MEIKIN: variants seen among roughly 807,000 people sequenced by gnomAD.
The protein encoded by MEIKIN is meiotic kinetochore factor.
At chr5:131,821,656 T>TTTTTC (rs1749507835) in intron 11 of MEIKIN, among the ~76,000 whole-genome samples, 2 of 142,668 alleles carry the variant, frequency 1.4e-5, no homozygotes, top group South Asian at 2.2e-4. Flanking sequence ...TTTTTTTTTT[T>TTTTTC]GCGAGACAAG....
intron 10 of MEIKIN, 29 bp from the exon 11 acceptor site, chr5:131,851,412 G>T (rs1750113135): frequency 2.3e-5 from 9 of 397,140 alleles, no homozygotes; most frequent in Non-Finnish European, 3.1e-5. Flanking sequence ...TTGTTTTGTG[G>T]AAGTTAAACA....
At chr5:131,851,232 T>C in intron 11 of MEIKIN, 32 bp downstream of exon 11, 1 of 397,170 alleles carries the variant, frequency 2.5e-6, no homozygotes, top group Non-Finnish European at 4.4e-6. Context: ...ATTATTTCCT[T>C]TAGTAATTGA....
intron 11 of MEIKIN, among the ~76,000 whole-genome samples, chr5:131,836,682 C>T (rs960727856): frequency 6.6e-6 from 1 of 150,822 alleles, no homozygotes; most frequent in Non-Finnish European, 1.5e-5. Flanking sequence ...CACTTTTTGG[C>T]CACATGTATG....
At chr5:131,812,242 T>C (rs979355672) in intron 12 of MEIKIN, among the ~76,000 whole-genome samples, 3 of 152,236 alleles carry the variant, frequency 2.0e-5, no homozygotes, top group Non-Finnish European at 4.4e-5. Context: ...CATATAACTT[T>C]ATATTGTTGA....
At chr5:131,830,570 T>C (rs1749698218) in intron 11 of MEIKIN, among the ~76,000 whole-genome samples, 1 of 152,256 alleles carries the variant, frequency 6.6e-6, no homozygotes, top group African/African-American at 2.4e-5. Context: ...ATCGTCCTTT[T>C]GGTTATAAAC....
chr5:131,932,616 G>A (rs1432894423), intron 5 of MEIKIN, among the ~76,000 whole-genome samples: 1 of 152,076 alleles, frequency 6.6e-6, no homozygotes, highest in African/African-American at 2.4e-5. Flanking sequence ...CCATTACGAG[G>A]GTATGAATAT....
intron 4 of MEIKIN, among the ~76,000 whole-genome samples, chr5:131,939,055 G>C (rs1751828595): frequency 1.3e-5 from 2 of 152,112 alleles, no homozygotes; most frequent in African/African-American, 2.4e-5. Context: ...AGGGGTCTGG[G>C]GATTTCACAT....
intron 5 of MEIKIN, among the ~76,000 whole-genome samples, chr5:131,927,010 T>C (rs1451012336): frequency 6.6e-5 from 10 of 152,210 alleles, no homozygotes; most frequent in Non-Finnish European, 1.5e-4. Flanking sequence ...TTATTTCTGC[T>C]CTAAATTTTA....
At chr5:131,819,372 CAGG>C (rs1429031773) in intron 11 of MEIKIN, among the ~76,000 whole-genome samples, 2 of 144,222 alleles carry the variant, frequency 1.4e-5, no homozygotes, top group African/African-American at 5.1e-5. Context: ...GAGGCCAATG[CAGG>C]AGGATTCCTT....
At chr5:131,832,505 G>A (rs771914214) in intron 11 of MEIKIN, among the ~76,000 whole-genome samples, 23 of 152,110 alleles carry the variant, frequency 1.5e-4, no homozygotes, top group Non-Finnish European at 2.2e-4. Context: ...TGGTTCTACC[G>A]TTCTGAGGTC....
intron 8 of MEIKIN, among the ~76,000 whole-genome samples, chr5:131,911,469 A>G (rs1751334726): frequency 6.6e-6 from 1 of 151,876 alleles, no homozygotes; most frequent in Non-Finnish European, 1.5e-5. Context: ...ATTATGCATA[A>G]CTACAATATA....
At chr5:131,831,622 C>T (rs1444713436) in intron 11 of MEIKIN, among the ~76,000 whole-genome samples, 2 of 152,090 alleles carry the variant, frequency 1.3e-5, no homozygotes, top group African/African-American at 4.8e-5. Flanking sequence ...TTTTGGCTTA[C>T]ACTATTTGAG....
chr5:131,914,611 GAAA>G (rs1479753024), intron 7 of MEIKIN, among the ~76,000 whole-genome samples: 5 of 970 alleles, frequency 5.2e-3, no homozygotes, highest in Admixed American at 0.029. Flanking sequence ...GGAAGGGAAG[GAAA>G]GGGAAGGAAA....
intron 3 of MEIKIN, 106 bp from the exon 4 acceptor site, chr5:131,942,801 T>C (rs1055079358): frequency 8.0e-5 from 31 of 385,648 alleles, no homozygotes; most frequent in African/African-American, 6.4e-4. Context: ...ATCAACTTTT[T>C]ATATGTTTCA....
chr5:131,833,064 T>A (rs1749741732), intron 11 of MEIKIN, among the ~76,000 whole-genome samples: 1 of 152,276 alleles, frequency 6.6e-6, no homozygotes, highest in African/African-American at 2.4e-5. Flanking sequence ...CCTCAGAGAA[T>A]GGGATTTTCC....
At chr5:131,840,219 TGAGA>T (rs1190040631) in intron 11 of MEIKIN, among the ~76,000 whole-genome samples, 1 of 152,262 alleles carries the variant, frequency 6.6e-6, no homozygotes, top group Admixed American at 6.5e-5. Context: ...GGGTTTGTGC[TGAGA>T]GTTTCATTGT....
chr5:131,892,303 C>A (rs1750937595), intron 8 of MEIKIN, among the ~76,000 whole-genome samples: 1 of 152,222 alleles, frequency 6.6e-6, no homozygotes, highest in Non-Finnish European at 1.5e-5. Flanking sequence ...TAGTATCCTG[C>A]AGAGTGTTTT....
chr5:131,922,084 A>T, intron 5 of MEIKIN, 143 bp from the exon 6 acceptor site: 1 of 392,004 alleles, frequency 2.6e-6, no homozygotes, highest in East Asian at 3.6e-5. Flanking sequence ...AGAAAAAAAT[A>T]AGCCTTGATG....
chr5:131,880,398 C>T lies in MEIKIN; in HGVS notation c.704-1350G>A, dbSNP rs547698896. On this transcript the variant is annotated intron_variant, in intron 8 of 12. Transcript: ENST00000442687. ...GATTACAGGCGTGAGCCAACGTGCC[C>T]GGCCTATTTTTTTTTTTTTTTAAGT... Among the ~76,000 whole-genome samples the T allele has an allele frequency of 2.0e-3, 222 of 109,186 alleles. 1 individual carries two copies. Among genetic ancestry groups the T allele is most frequent in the Middle Eastern group, 9.9e-3 (2 of 202 alleles). The allele number at this position is 109,186 out of a possible 152,430, so 71.6% of individuals were successfully genotyped here. A position where few individuals can be genotyped will look rare whatever the true frequency, so the allele number is the denominator to read the frequency against.
Sources: gnomAD v4.1 joint callset for allele counts (sites outside exome capture counted in the v4.1 genomes callset) on GRCh38, gnomAD v4.1.1 for gene constraint, MANE v1.5 for transcripts, NCBI Gene and HGNC (gene_info 2026-07-23, HGNC 2026-07-21) for gene names.